The following INTS4 variants were observed in gnomAD, a reference collection of about 807,000 sequenced individuals.
The protein encoded by INTS4 is MSTP093.
Under a neutral mutation model 119.5 loss-of-function variants are expected in INTS4, and 70 were observed. The observed-to-expected ratio is 0.59, with a 90% CI of 0.48 to 0.71. The LOEUF (loss-of-function observed/expected upper bound fraction) is 0.71. Ranked by LOEUF, INTS4 falls within the 30% of genes least tolerant of loss-of-function variation. The pLI, the probability that INTS4 is intolerant of heterozygous loss-of-function variation, is 0.00. For synonymous variants in INTS4, 316 were observed against 419.6 expected (o/e 0.75, Z 3.02); for missense variants, 867 against 1,173.2 (o/e 0.74, Z 3.81).
intron 12 of INTS4, 183 bp downstream of exon 12, chr11:77,924,567 A>G (rs1953448524): frequency 7.1e-6 from 4 of 564,954 alleles, no homozygotes; most frequent in Admixed American, 3.2e-5. Context: ...AAGTAATCTA[A>G]AATGTGATAC....
At chr11:77,875,887 C>G (rs1333665493), downstream of INTS4, among the ~76,000 whole-genome samples, 1 of 152,086 alleles carries the variant, frequency 6.6e-6, no homozygotes, top group Non-Finnish European at 1.5e-5. Context: ...TAATTCTGTT[C>G]AAGTGGAGTA....
At chr11:77,975,513 G>A (rs1166941422) in intron 4 of INTS4, among the ~76,000 whole-genome samples, 2 of 151,758 alleles carry the variant, frequency 1.3e-5, no homozygotes, top group Admixed American at 6.6e-5. Context: ...AAACTTTTAG[G>A]CACATTGTAT....
At chr11:77,923,695 C>T (rs1453280245) in intron 12 of INTS4, among the ~76,000 whole-genome samples, 1 of 151,720 alleles carries the variant, frequency 6.6e-6, no homozygotes, top group African/African-American at 2.4e-5. Context: ...ATTATAACTA[C>T]ATGAGGGCCC....
intron 7 of INTS4, among the ~76,000 whole-genome samples, chr11:77,957,161 G>A (rs1364620964): frequency 3.3e-5 from 5 of 152,060 alleles, no homozygotes; most frequent in African/African-American, 1.2e-4. Context: ...TCAAACTCCT[G>A]AGATCAAGCA....
In INTS4 at chr11:77,904,005, T is replaced by A. The variant is rs370541860; in HGVS notation, c.2017-385A>T. Among the ~76,000 whole-genome samples, 12 of 152,354 alleles carry A rather than the reference T, an allele frequency of 7.9e-5. No homozygotes were observed. In the South Asian group the frequency reaches 8.3e-4, roughly 11 times the overall value. On this transcript the variant is annotated intron_variant, in intron 16 of 22. Coordinates refer to ENST00000534064, the MANE Select transcript of INTS4 (RefSeq NM_033547.4). Reference sequence around the variant, plus strand: ...CTAGATACTTCTTCCTTAACTGTGGTTCTTTTTTCTTTTCCCCTATGCTCA... The same window carrying A: ...CTAGATACTTCTTCCTTAACTGTGGATCTTTTTTCTTTTCCCCTATGCTCA...
chr11:77,964,490 C>A (rs1163513784), intron 4 of INTS4, among the ~76,000 whole-genome samples: 1 of 151,956 alleles, frequency 6.6e-6, no homozygotes, highest in African/African-American at 2.4e-5. Flanking sequence ...AGGAGAACGG[C>A]GTGAACCCAG....
At chr11:77,899,038 T>A (rs999619942) in intron 18 of INTS4, among the ~76,000 whole-genome samples, 16 of 151,942 alleles carry the variant, frequency 1.1e-4, no homozygotes, top group African/African-American at 2.9e-4. Context: ...ATAAATAAAA[T>A]AAATAAATGG....
chr11:77,966,990 C>T (rs1026266217), intron 4 of INTS4, among the ~76,000 whole-genome samples: 1 of 152,110 alleles, frequency 6.6e-6, no homozygotes, highest in Non-Finnish European at 1.5e-5. Flanking sequence ...GGTTCCAATC[C>T]TTGCCAATAC....
intron 4 of INTS4, among the ~76,000 whole-genome samples, chr11:77,966,480 C>T (rs1011173821): frequency 2.0e-5 from 3 of 152,088 alleles, no homozygotes; most frequent in African/African-American, 4.8e-5. Context: ...ATGTGTATGA[C>T]GTAAGGGTCT....
downstream of INTS4, among the ~76,000 whole-genome samples, chr11:77,876,124 G>A (rs759857255): frequency 6.6e-6 from 1 of 151,750 alleles, no homozygotes; most frequent in South Asian, 2.1e-4. Context: ...TGAAGGAAGA[G>A]GAATCTAAAG....
chr11:77,978,799 A>C (rs1856061564), intron 4 of INTS4, 197 bp downstream of exon 4: 2 of 371,948 alleles, frequency 5.4e-6, no homozygotes, highest in Non-Finnish European at 1.0e-5. Context: ...CAATATACAC[A>C]GTAACTATGT....
chr11:77,905,886 C>T (rs1262365321), intron 16 of INTS4, among the ~76,000 whole-genome samples: 2 of 152,110 alleles, frequency 1.3e-5, no homozygotes, highest in African/African-American at 4.8e-5. Flanking sequence ...TTAGACCCAC[C>T]CAACTGTCAT....
At chr11:77,953,859 T>C (rs1275176838) in intron 8 of INTS4, among the ~76,000 whole-genome samples, 8 of 152,008 alleles carry the variant, frequency 5.3e-5, no homozygotes, top group African/African-American at 9.7e-5. Context: ...GCTGGGATTA[T>C]AGGTGTGAGC....
At position 77,981,501 on chromosome 11, in the gene INTS4, C is replaced by A. The variant is rs776501933; in HGVS notation, c.322G>T (p.Asp108Tyr). The change falls in exon 3 of 23, where the codon GAC (aspartate) becomes TAC (tyrosine). Residue 108 changes from aspartate to tyrosine, a missense_variant. Physicochemically the swap from Asp to Tyr is radical, Grantham distance 160 (BLOSUM62 -3). Coordinates refer to ENST00000534064, the MANE Select transcript of INTS4 (RefSeq NM_033547.4). ...TTGATGGCATCATCCATAATGCAGTCTGGTGAAAATCCTGCTGTCTTTGAT... is the reference window on the plus strand; with the variant it reads ...TTGATGGCATCATCCATAATGCAGTATGGTGAAAATCCTGCTGTCTTTGAT... ...LLSKTAGFSPDCIMDDAINIL... is the reference protein window; with the variant it reads ...LLSKTAGFSPYCIMDDAINIL... 1 of 1,571,962 alleles carries A rather than the reference C, an allele frequency of 6.4e-7. No homozygotes were observed. The highest frequency in any genetic ancestry group is 1.2e-5 in the South Asian group (1 of 83,622).
chr11:77,883,992 G>C, intron 21 of INTS4, 40 bp from the exon 22 acceptor site: 2 of 1,597,824 alleles, frequency 1.3e-6, no homozygotes, highest in Middle Eastern at 1.7e-4. Context: ...AGAAGCGAGA[G>C]GAGCATTTAA....
intron 10 of INTS4, among the ~76,000 whole-genome samples, chr11:77,934,606 A>C (rs1301152096): frequency 7.0e-6 from 1 of 142,848 alleles, no homozygotes; most frequent in African/African-American, 3.1e-5. Flanking sequence ...TTAAAACTCA[A>C]AAATAAAAAA....
intron 15 of INTS4, 67 bp downstream of exon 15, chr11:77,918,754 G>C (rs1406558000): frequency 1.9e-6 from 3 of 1,567,772 alleles, no homozygotes; most frequent in Non-Finnish European, 2.6e-6. Context: ...ACCAACACCA[G>C]AATTCAGAAC....
chr11:77,962,182 C>G (rs1591113893), intron 4 of INTS4, among the ~76,000 whole-genome samples: 1 of 152,186 alleles, frequency 6.6e-6, no homozygotes, highest in Admixed American at 6.5e-5. Flanking sequence ...ACCCAGAAGG[C>G]TGAGGTAGGA....
At chr11:77,947,514 C>T (rs1418811428) in intron 8 of INTS4, among the ~76,000 whole-genome samples, 1 of 152,166 alleles carries the variant, frequency 6.6e-6, no homozygotes, top group East Asian at 1.9e-4. Flanking sequence ...TTGAATGCTA[C>T]AGCTAGAAAC....
Sources: gnomAD v4.1 joint callset for allele counts (sites outside exome capture counted in the v4.1 genomes callset) on GRCh38, gnomAD v4.1.1 for gene constraint, MANE v1.5 for transcripts, NCBI Gene and HGNC (gene_info 2026-07-23, HGNC 2026-07-21) for gene names.